Variants in BRD3 observed in about 807,000 individuals in gnomAD.
The protein encoded by BRD3 is bromodomain-containing protein 3.
Under a neutral mutation model 66.8 loss-of-function variants are expected in BRD3, and 17 were observed. That is an observed-to-expected ratio of 0.25 (90% confidence interval 0.17 to 0.38). The LOEUF (loss-of-function observed/expected upper bound fraction) is 0.38, where lower values mean the gene tolerates loss of function less well. Ranked by LOEUF, BRD3 falls within the 10% of genes least tolerant of loss-of-function variation. The probability of loss-of-function intolerance (pLI) is 1.00; values close to 1 mark genes in which losing one functional copy is unlikely to be tolerated. For synonymous variants in BRD3, 421 were observed against 393.2 expected, an observed-to-expected ratio of 1.07 and a Z score of -0.84; for missense variants, 713 against 956.1, an observed-to-expected ratio of 0.75 and a Z score of 3.35.
chr9:134,067,379 GA>G (rs1830684155), intron 1 of BRD3, among the ~76,000 whole-genome samples: 2 of 149,796 alleles, frequency 1.3e-5, no homozygotes, highest in Non-Finnish European at 3.0e-5. Flanking sequence ...GGCGCGCGGC[GA>G]CGGTCCCCAG....
chr9:134,034,446 T>C, intron 11 of BRD3: 1 of 486,198 alleles, frequency 2.1e-6, no homozygotes, highest in East Asian at 3.7e-5. Context: ...TGGGGGGTCC[T>C]CTGTCTGTGG....
chr9:134,047,815 GAATGAAATC>G (rs1830207314), intron 6 of BRD3, among the ~76,000 whole-genome samples: 2 of 152,250 alleles, frequency 1.3e-5, no homozygotes, highest in South Asian at 2.1e-4. Flanking sequence ...TGGGAGGTAG[GAATGAAATC>G]AATGAAATCA....
intron 1 of BRD3, chr9:134,054,498 G>C (rs1158648188): frequency 1.3e-5 from 2 of 152,362 alleles, no homozygotes; most frequent in African/African-American, 4.8e-5. Flanking sequence ...TAAAGGTGTG[G>C]GGCAGACCCG....
intron 1 of BRD3, 156 bp from the exon 2 acceptor site, chr9:134,053,746 G>T: frequency 1.6e-6 from 1 of 623,018 alleles, no homozygotes; most frequent in Non-Finnish European, 2.6e-6. Context: ...GTGAGAGGCT[G>T]TCGGGAAAGC....
intron 8 of BRD3, among the ~76,000 whole-genome samples, chr9:134,041,384 GCA>G (rs1355290097): frequency 1.3e-5 from 2 of 152,108 alleles, no homozygotes; most frequent in South Asian, 4.1e-4. Flanking sequence ...CCTGGAGCCT[GCA>G]CCCCACCCCA....
chr9:134,050,306 T>A, intron 5 of BRD3, 68 bp downstream of exon 5: 1 of 1,500,444 alleles, frequency 6.7e-7, no homozygotes, highest in Non-Finnish European at 9.2e-7. Context: ...CGCCTGCTGC[T>A]CCTGCCCTGA....
At chr9:134,046,017 C>T (rs889929795) in intron 6 of BRD3, among the ~76,000 whole-genome samples, 9 of 152,192 alleles carry the variant, frequency 5.9e-5, no homozygotes, top group Non-Finnish European at 7.3e-5. Flanking sequence ...GTGGAGGCAA[C>T]GGGGGCGTGT....
intron 1 of BRD3, among the ~76,000 whole-genome samples, chr9:134,065,320 A>T (rs1181074891): frequency 6.6e-6 from 1 of 152,082 alleles, no homozygotes; most frequent in Non-Finnish European, 1.5e-5. Context: ...GCTACTTGGG[A>T]GGCTGAAGCA....
rs542222113 is a variant in BRD3, at chr9:134,045,984, G to A, written c.1087-563C>T. Among the ~76,000 whole-genome samples the A allele has an allele frequency of 3.9e-5, 6 of 152,326 alleles. No homozygotes were observed. In the East Asian group the frequency reaches 7.7e-4, roughly 20 times the overall value. ...TAAGGGACTCCACGCTGTGTCCAGC[G>A]GCAGCTCCTGAACCCCACAGGGGTG... On this transcript the variant is annotated intron_variant, in intron 6 of 11. Transcript: ENST00000303407. The surrounding 1 kb of genome is among the most constrained non-coding windows in gnomAD (Gnocchi z 4.8).
chr9:134,038,759 T>C (rs2132388785), intron 9 of BRD3, among the ~76,000 whole-genome samples: 1 of 152,314 alleles, frequency 6.6e-6, no homozygotes, highest in Non-Finnish European at 1.5e-5. Context: ...ATTTTCAGAT[T>C]TGAGATGCTT....
At chr9:134,066,989 G>A (rs1261427432) in intron 1 of BRD3, among the ~76,000 whole-genome samples, 2 of 152,120 alleles carry the variant, frequency 1.3e-5, no homozygotes, top group Non-Finnish European at 1.5e-5. Flanking sequence ...TCCCGGCCCT[G>A]CCCCCGAACG....
At chr9:134,065,923 C>T (rs956529149) in intron 1 of BRD3, among the ~76,000 whole-genome samples, 1 of 152,204 alleles carries the variant, frequency 6.6e-6, no homozygotes, top group Non-Finnish European at 1.5e-5. Context: ...CTCTGCACAC[C>T]CCCACTTTCA....
chr9:134,037,707 AT>A (rs141832041), intron 9 of BRD3, among the ~76,000 whole-genome samples: 39,896 of 152,054 alleles, frequency 0.26, 6,334 homozygotes, highest in East Asian at 0.62. Flanking sequence ...AAAAGTAAAA[AT>A]TTTTTTTAAA....
In BRD3 at chr9:134,067,975, C is replaced by G. The variant is rs1431809152; in HGVS notation, c.-144G>C. 1 of 145,404 alleles carries G rather than the reference C, an allele frequency of 6.9e-6. No individual in the cohort carries two copies. The highest frequency in any genetic ancestry group is 1.5e-5 in the Non-Finnish European group (1 of 65,368). The allele number at this position is 145,404 out of a possible 1,614,324, so 9.0% of individuals were successfully genotyped here. ...CTCGCGGCTCCGGCGGCCGTCCCCT[C>G]CCGGCCCGCGCGGCCGGCTCCTCTT... On this transcript the variant is annotated 5_prime_UTR_variant, in exon 1 of 12. Transcript: ENST00000303407.
At chr9:134,060,437 T>TA (rs1830513084) in intron 1 of BRD3, among the ~76,000 whole-genome samples, 1 of 151,948 alleles carries the variant, frequency 6.6e-6, no homozygotes, top group Non-Finnish European at 1.5e-5. Context: ...TACGAAAATT[T>TA]AAAAAAATTA....
intron 1 of BRD3, among the ~76,000 whole-genome samples, chr9:134,060,305 G>T (rs1231958895): frequency 6.6e-6 from 1 of 152,206 alleles, no homozygotes; most frequent in African/African-American, 2.4e-5. Context: ...AAATCCTCAA[G>T]AAAGACCCAG....
In BRD3 at chr9:134,034,739, C is replaced by G; in HGVS notation, c.2027G>C (p.Ser676Thr). The change falls in exon 11 of 12, where the codon AGC (serine) becomes ACC (threonine). Residue 676 changes from serine (S) to threonine (T), a missense_variant. Ser to Thr is a moderately conservative substitution (Grantham distance 58). Transcript: ENST00000303407. ...KELEKRLQDV[S>T]GQLSSSKKPA... ...CTTCTTGCTGCTGCTCAGCTGCCCG[C>G]TGACATCCTGCAGACGCTTTTCCAG... 6.2e-7 allele frequency: 1 copy of G among 1,609,170 alleles called. No individual in the cohort carries two copies. Among genetic ancestry groups the G allele is most frequent in the Non-Finnish European group, 8.5e-7 (1 of 1,180,000 alleles).
chr9:134,033,653 G>A lies in BRD3; in HGVS notation c.2118C>T (p.Ser706=), dbSNP rs758733130. 4.8e-5 allele frequency: 37 copies of A among 767,560 alleles called. 1 individual carries two copies. The South Asian group carries it at 5.0e-4, about 10-fold the overall frequency. 47.5% of individuals were successfully genotyped at this position (767,560 alleles called of 1,614,324 possible). Residue 706 remains serine, a synonymous_variant, in exon 12 of 12, where the codon AGC becomes AGT. Coordinates refer to ENST00000303407, the MANE Select transcript of BRD3 (RefSeq NM_007371.4). The surrounding 1 kb of genome is among the most constrained non-coding windows in gnomAD (Gnocchi z 5.1). ...AGCTGCTGCTCCCAGACTCGGAGGA[G>A]CTGCTGCTGCTGAGCCTGGACGGGC... ...SGGPSRLSSS[S]SSESGSSSSS...
intron 1 of BRD3, among the ~76,000 whole-genome samples, chr9:134,061,596 C>T (rs1373597583): frequency 1.3e-5 from 2 of 152,196 alleles, no homozygotes; most frequent in Non-Finnish European, 2.9e-5. Flanking sequence ...TAGCTCTGGG[C>T]CTCTGTACCT....
Sources: gnomAD v4.1 joint callset for allele counts (sites outside exome capture counted in the v4.1 genomes callset) on GRCh38, gnomAD v4.1.1 for gene constraint, Gnocchi (gnomAD v3.1) non-coding constraint, MANE v1.5 for transcripts, NCBI Gene and HGNC (gene_info 2026-07-23, HGNC 2026-07-21) for gene names.